Variants in TTI1 observed in about 807,000 individuals in gnomAD.
TTI1 encodes the protein TELO2 interacting protein 1, also known as TELO2-interacting protein 1 homolog.
Under a neutral mutation model 85.4 loss-of-function variants are expected in TTI1, and 52 were observed. The ratio of observed to expected loss-of-function variants is 0.61; its 90% confidence interval spans 0.49 to 0.77. The LOEUF (loss-of-function observed/expected upper bound fraction) is 0.77. Among genes scored for constraint, TTI1 ranks in the 30% least tolerant of loss-of-function variants. The pLI is 0.00. For missense variants in TTI1, 1,173 were observed against 1,296.0 expected (o/e 0.91, Z 1.46); for synonymous variants, 512 against 503.9 (o/e 1.02, Z -0.22).
intron 2 of TTI1, among the ~76,000 whole-genome samples, chr20:38,010,264 T>C (rs2073563672): frequency 6.6e-6 from 1 of 152,214 alleles, no homozygotes; most frequent in Admixed American, 6.5e-5. Flanking sequence ...TTACAAGGTC[T>C]TGGCTTTTTC....
intron 3 of TTI1, among the ~76,000 whole-genome samples, chr20:38,004,512 T>C (rs2073470452): frequency 6.6e-6 from 1 of 152,226 alleles, no homozygotes; most frequent in Non-Finnish European, 1.5e-5. Flanking sequence ...ATATACAAGG[T>C]GCTTTTATGT....
intron 7 of TTI1, among the ~76,000 whole-genome samples, chr20:37,985,463 A>G (rs2073177547): frequency 6.6e-6 from 1 of 151,746 alleles, no homozygotes; most frequent in Admixed American, 6.6e-5. Context: ...CCTTAGGTGT[A>G]GTGGACATAC....
At chr20:37,994,814 C>T (rs1317596621) in intron 7 of TTI1, among the ~76,000 whole-genome samples, 1 of 152,066 alleles carries the variant, frequency 6.6e-6, no homozygotes, top group Non-Finnish European at 1.5e-5. Context: ...TGAACACCAG[C>T]TCAAGATTCA....
intron 1 of TTI1, among the ~76,000 whole-genome samples, chr20:38,026,360 T>A (rs2073836637): frequency 1.3e-5 from 2 of 152,156 alleles, no homozygotes; most frequent in African/African-American, 4.8e-5. Flanking sequence ...GATTTCACCA[T>A]GTTGGCCAGG....
chr20:38,016,432 C>A (rs1393420195), intron 1 of TTI1, among the ~76,000 whole-genome samples: 1 of 152,142 alleles, frequency 6.6e-6, no homozygotes, highest in African/African-American at 2.4e-5. Context: ...GGGTCCGCCC[C>A]CTGACAGGGT....
chr20:38,026,185 A>G (rs1035989966), intron 1 of TTI1, among the ~76,000 whole-genome samples: 1 of 152,052 alleles, frequency 6.6e-6, no homozygotes, highest in Non-Finnish European at 1.5e-5. Flanking sequence ...TTTGAGACAG[A>G]GTATCATTCT....
intron 7 of TTI1, among the ~76,000 whole-genome samples, chr20:37,990,573 T>C (rs889259692): frequency 1.3e-5 from 2 of 152,200 alleles, no homozygotes; most frequent in Non-Finnish European, 2.9e-5. Context: ...TCTTTTAAAA[T>C]ACATCTATAC....
chr20:38,020,060 A>C (rs1023093534), intron 1 of TTI1, among the ~76,000 whole-genome samples: 1 of 152,150 alleles, frequency 6.6e-6, no homozygotes, highest in Non-Finnish European at 1.5e-5. Flanking sequence ...AATAGAAAAG[A>C]CAATCTTCAA....
chr20:37,988,669 C>T (rs1471322986), intron 7 of TTI1, among the ~76,000 whole-genome samples: 1 of 152,162 alleles, frequency 6.6e-6, no homozygotes, highest in Non-Finnish European at 1.5e-5. Flanking sequence ...GCTTTGTGAT[C>T]TGTTTGTTTG....
At chr20:38,013,980 AG>A in intron 1 of TTI1, 123 bp from the exon 2 acceptor site, 1 of 974,964 alleles carries the variant, frequency 1.0e-6, no homozygotes, top group Non-Finnish European at 1.5e-6. Context: ...ACAAGGCACT[AG>A]GGGTGCAATG....
At chr20:38,002,530 A>G in intron 4 of TTI1, 98 bp downstream of exon 4, 10 of 1,494,522 alleles carry the variant, frequency 6.7e-6, no homozygotes, top group Non-Finnish European at 9.1e-6. Context: ...GGACCAGGAG[A>G]TAAGGGGAGC....
intron 5 of TTI1, 28 bp downstream of exon 5, chr20:37,999,160 C>G: frequency 3.7e-6 from 5 of 1,367,248 alleles, no homozygotes; most frequent in Non-Finnish European, 4.8e-6. Context: ...ACCCTCACAA[C>G]AGACCATGGG....
intron 7 of TTI1, among the ~76,000 whole-genome samples, chr20:37,990,054 T>C (rs1181628613): frequency 6.6e-6 from 1 of 152,214 alleles, no homozygotes; most frequent in Non-Finnish European, 1.5e-5. Context: ...TCCTGTACCA[T>C]TTTCCTCTTT....
chr20:38,011,789 C>A lies in TTI1; in HGVS notation c.2028G>T (p.Met676Ile), dbSNP rs1307802899. The change falls in exon 2 of 8, where the codon ATG (methionine) becomes ATT (isoleucine). Residue 676 changes from methionine (M) to isoleucine (I), a missense_variant. By Grantham distance (10) the Met-to-Ile change is conservative. Coordinates refer to ENST00000373447, the MANE Select transcript of TTI1 (RefSeq NM_001303457.2). Reference protein sequence around the residue: ...LISQVATSTMMDVCRACGYDS... With the variant: ...LISQVATSTMIDVCRACGYDS... ...CGTAGCCACAAGCACGGCAAACGTCCATCATGGTGCTGGTAGCCACCTGAC... is the reference window on the plus strand; with the variant it reads ...CGTAGCCACAAGCACGGCAAACGTCAATCATGGTGCTGGTAGCCACCTGAC... 3 of 1,614,098 alleles carry A rather than the reference C, an allele frequency of 1.9e-6. No homozygotes were observed. The East Asian group carries it at 6.7e-5, about 36-fold the overall frequency.
chr20:38,025,888 C>A (rs1335331863), intron 1 of TTI1, among the ~76,000 whole-genome samples: 1 of 151,974 alleles, frequency 6.6e-6, no homozygotes, highest in Non-Finnish European at 1.5e-5. Flanking sequence ...TAGGAATTAC[C>A]CAATCTGAAC....
intron 7 of TTI1, among the ~76,000 whole-genome samples, chr20:37,990,814 G>A (rs1051794235): frequency 5.9e-5 from 9 of 152,132 alleles, no homozygotes; most frequent in East Asian, 1.9e-4. Context: ...AACCTGGCAC[G>A]GCATGCACTG....
chr20:38,012,693 G>A lies in TTI1; in HGVS notation c.1124C>T (p.Ser375Leu), dbSNP rs368184145. The change falls in exon 2 of 8, where the codon TCA becomes TTA. Residue 375 changes from serine to leucine, a missense_variant. By Grantham distance (145) the Ser-to-Leu change is moderately radical. Coordinates refer to ENST00000373447, the MANE Select transcript of TTI1 (RefSeq NM_001303457.2). ...TGTGGCAAGGGAATGCAGGCTTTCT[G>A]ACAAGATGTCAGCGAGGGCTTTGTT... is the stretch of plus-strand genomic sequence containing the variant. The part of the protein sequence containing the change: ...VGNKALADIL[S>L]ESLHSLATSL... The A allele has an allele frequency of 1.9e-6, 3 of 1,614,218 alleles. No homozygotes were observed. The highest frequency in any genetic ancestry group is 2.5e-6 in the Non-Finnish European group (3 of 1,180,042).
chr20:37,993,543 G>A (rs952449066), intron 7 of TTI1, among the ~76,000 whole-genome samples: 18 of 152,156 alleles, frequency 1.2e-4, no homozygotes, highest in Non-Finnish European at 1.6e-4. Context: ...ACCCCAACTC[G>A]ATGAAGGCGC....
intron 7 of TTI1, among the ~76,000 whole-genome samples, chr20:37,995,439 C>G (rs534958715): frequency 9.5e-4 from 145 of 152,364 alleles, no homozygotes; most frequent in African/African-American, 3.1e-3. Flanking sequence ...TGAAGAGGAT[C>G]AGAGATGTGC....
Sources: gnomAD v4.1 joint callset for allele counts (sites outside exome capture counted in the v4.1 genomes callset) on GRCh38, gnomAD v4.1.1 for gene constraint, MANE v1.5 for transcripts, NCBI Gene and HGNC (gene_info 2026-07-23, HGNC 2026-07-21) for gene names.